Variants in PTPRN2 observed in about 807,000 individuals in gnomAD.
PTPRN2 encodes the protein receptor-type tyrosine-protein phosphatase N2.
A neutral mutation model predicts 118.8 loss-of-function variants in PTPRN2; 74 were observed. The observed-to-expected ratio is 0.62, with a 90% confidence interval of 0.52 to 0.76. The LOEUF is 0.76. PTPRN2 is among the 30% of genes least tolerant of loss of function. PTPRN2 has a pLI of 0.00. For missense variants in PTPRN2, 1,481 were observed against 1,394.4 expected, an observed-to-expected ratio of 1.06 and a Z score of -0.99; for synonymous variants, 641 against 608.0, an observed-to-expected ratio of 1.05 and a Z score of -0.80.
intron 12 of PTPRN2, among the ~76,000 whole-genome samples, chr7:157,770,603 C>T (rs918500378): frequency 2.0e-5 from 3 of 152,180 alleles, no homozygotes; most frequent in African/African-American, 4.8e-5. Flanking sequence ...TAAAAATTAG[C>T]GCTATAGGGG....
Position 158,138,458 on chromosome 7 carries a change from C to A in PTPRN2, c.968G>T (p.Gly323Val). Residue 323 changes from glycine (G) to valine (V), a missense_variant, in exon 7 of 23, where the codon GGC becomes GTC. By Grantham distance (109) the Gly-to-Val change is moderately radical. Transcript: ENST00000389418. ...GCCGTCCAGCTCCAGGCCACTCAGG[C>A]CCCTCACCTCAGCCGGCTGCCTCTG... The part of the protein sequence containing the change: ...DLQRQPAEVR[G>V]LSGLELDGMA... 6.2e-7 allele frequency: 1 copy of A among 1,613,136 alleles called. No homozygotes were observed. The highest frequency in any genetic ancestry group is 8.5e-7 in the Non-Finnish European group (1 of 1,179,938).
At chr7:158,581,826 C>T (rs1265695322) in intron 1 of PTPRN2, among the ~76,000 whole-genome samples, 4 of 152,224 alleles carry the variant, frequency 2.6e-5, no homozygotes, top group African/African-American at 7.2e-5. Flanking sequence ...ACACAGAAGC[C>T]GTTCAAGACA....
intron 11 of PTPRN2, among the ~76,000 whole-genome samples, chr7:157,976,459 G>GCC (rs201329689): frequency 2.0e-5 from 3 of 148,190 alleles, no homozygotes; most frequent in Admixed American, 6.7e-5. Context: ...CCAGATGCAA[G>GCC]CCCCCCCCAC....
Position 158,555,637 on chromosome 7 carries a change from G to T in PTPRN2, c.112+31921C>A, listed in dbSNP as rs1826926148. On this transcript the variant is annotated intron_variant, in intron 1 of 22. Coordinates refer to ENST00000389418, the MANE Select transcript of PTPRN2 (RefSeq NM_002847.5). This position sits in a 1 kb window ranked among gnomAD's most constrained non-coding sequence, Gnocchi z 4.7. ...AGCCTCCCTCAGCTCCCATGGCAGG[G>T]TTAGGGGCACAAGCACCGCCCGTCA... Among the ~76,000 whole-genome samples, 1 of 152,148 alleles carries T rather than the reference G, an allele frequency of 6.6e-6. No homozygotes were observed. The highest frequency in any genetic ancestry group is 1.5e-5 in the Non-Finnish European group (1 of 68,034).
chr7:158,010,375 G>A (rs922395587), intron 11 of PTPRN2, among the ~76,000 whole-genome samples: 2 of 152,186 alleles, frequency 1.3e-5, no homozygotes, highest in African/African-American at 4.8e-5. Flanking sequence ...GTTTAAAAGT[G>A]TGTTAACAGC....
At chr7:158,444,684 T>C (rs1817606107) in intron 2 of PTPRN2, among the ~76,000 whole-genome samples, 1 of 152,198 alleles carries the variant, frequency 6.6e-6, no homozygotes. Flanking sequence ...GGCTGCGGCC[T>C]TTCCTGTGGA....
intron 1 of PTPRN2, chr7:158,539,391 C>A (rs1825839878): frequency 6.6e-6 from 1 of 152,336 alleles, no homozygotes; most frequent in Non-Finnish European, 1.5e-5. Flanking sequence ...CCTTCAAAAA[C>A]AAGCCTTTTG....
At chr7:158,146,118 C>T (rs557179650) in intron 6 of PTPRN2, among the ~76,000 whole-genome samples, 14 of 152,128 alleles carry the variant, frequency 9.2e-5, no homozygotes, top group Non-Finnish European at 1.8e-4. Context: ...GAGAAGCTCT[C>T]GCCACAGCTC....
intron 3 of PTPRN2, among the ~76,000 whole-genome samples, chr7:158,246,164 T>C (rs1796234877): frequency 6.6e-6 from 1 of 151,868 alleles, no homozygotes; most frequent in South Asian, 2.1e-4. Flanking sequence ...ATTTGATTTA[T>C]TTAAAATACA....
At chr7:157,805,004 C>T (rs894878083) in intron 12 of PTPRN2, among the ~76,000 whole-genome samples, 1 of 152,206 alleles carries the variant, frequency 6.6e-6, no homozygotes, top group African/African-American at 2.4e-5. Context: ...GGATGCGCTG[C>T]CTCAGCGTGG....
At chr7:158,270,826 ACCTGGATGAC>A (rs1798340633) in intron 3 of PTPRN2, among the ~76,000 whole-genome samples, 4 of 4,736 alleles carry the variant, frequency 8.4e-4, no homozygotes, top group Non-Finnish European at 8.0e-4. Context: ...CGCCCCCTCC[ACCTGGATGAC>A]CCCCTCACCT....
intron 14 of PTPRN2, among the ~76,000 whole-genome samples, chr7:157,639,728 G>C (rs111620427): frequency 2.6e-5 from 4 of 152,350 alleles, no homozygotes; most frequent in African/African-American, 9.6e-5. Flanking sequence ...ACCCTGCCTT[G>C]CTGGAGGTAG....
At chr7:158,256,339 G>A (rs1015760614) in intron 3 of PTPRN2, among the ~76,000 whole-genome samples, 3 of 152,200 alleles carry the variant, frequency 2.0e-5, no homozygotes, top group Admixed American at 1.3e-4. Context: ...TGCTGAGGGG[G>A]ACAAGAGGGC....
chr7:158,085,520 CAG>C (rs1491276437), intron 10 of PTPRN2, among the ~76,000 whole-genome samples: 44 of 131,950 alleles, frequency 3.3e-4, no homozygotes, highest in South Asian at 8.0e-4. Flanking sequence ...CCCATCCACA[CAG>C]ATGCCCATCC....
At chr7:157,656,767 G>A (rs577345194) in intron 13 of PTPRN2, among the ~76,000 whole-genome samples, 1 of 152,158 alleles carries the variant, frequency 6.6e-6, no homozygotes, top group Admixed American at 6.5e-5. Flanking sequence ...CTTCAGGCTT[G>A]TGCAGGAAAA....
chr7:157,934,849 G>A (rs1342383005), intron 11 of PTPRN2, among the ~76,000 whole-genome samples: 1 of 152,174 alleles, frequency 6.6e-6, no homozygotes, highest in Admixed American at 6.5e-5. Flanking sequence ...GGTCTAACAT[G>A]GCAGATTCTC....
intron 3 of PTPRN2, among the ~76,000 whole-genome samples, chr7:158,302,899 T>C (rs1425886778): frequency 1.3e-5 from 2 of 152,172 alleles, no homozygotes; most frequent in Non-Finnish European, 2.9e-5. Flanking sequence ...TGGCAGGAAA[T>C]GACACAGAAT....
At chr7:158,304,021 T>C (rs143396593) in intron 3 of PTPRN2, among the ~76,000 whole-genome samples, 3 of 152,314 alleles carry the variant, frequency 2.0e-5, no homozygotes, top group Admixed American at 2.0e-4. Context: ...CATCCAACAA[T>C]ACACTAAGAT....
intron 12 of PTPRN2, among the ~76,000 whole-genome samples, chr7:157,841,424 G>A (rs920554539): frequency 3.3e-5 from 5 of 152,208 alleles, no homozygotes; most frequent in Admixed American, 3.3e-4. Flanking sequence ...CGTATTGTAC[G>A]TGGCTTTAAG....
Sources: allele counts gnomAD v4.1 joint callset (sites outside exome capture counted in the v4.1 genomes callset), GRCh38; gene constraint gnomAD v4.1.1; non-coding constraint Gnocchi (gnomAD v3.1); transcripts MANE v1.5; gene names NCBI Gene and HGNC (gene_info 2026-07-23, HGNC 2026-07-21).